Variants in NSUN6 observed in about 807,000 individuals in gnomAD.
NSUN6 encodes the protein NOP2/Sun RNA methyltransferase 6.
NSUN6 carries 64 observed loss-of-function variants against 58.0 expected under a neutral mutation model. The observed-to-expected ratio is 1.10, with a 90% CI of 0.90 to 1.36. The LOEUF (loss-of-function observed/expected upper bound fraction) is 1.36. Ranked by LOEUF, NSUN6 falls within the 40% of genes most tolerant of loss-of-function variation. The pLI, the probability that NSUN6 is intolerant of heterozygous loss-of-function variation, is 0.00. For synonymous variants in NSUN6, 231 were observed against 193.9 expected (o/e 1.19, Z -1.59); for missense variants, 701 against 550.1 (o/e 1.27, Z -2.74).
chr10:18,634,596 T>C (rs1464231808), intron 3 of NSUN6, among the ~76,000 whole-genome samples: 2 of 119,464 alleles, frequency 1.7e-5, no homozygotes, highest in African/African-American at 6.5e-5. Flanking sequence ...CTAAAAAAAA[T>C]ACAAAAAAAA....
At chr10:18,650,985 CAT>C (rs1479236456) in intron 1 of NSUN6, 142 bp downstream of exon 1, 1 of 865,608 alleles carries the variant, frequency 1.2e-6, no homozygotes, top group Non-Finnish European at 1.7e-6. Flanking sequence ...CCTGTAGAAA[CAT>C]ATTGGTATTT....
intron 3 of NSUN6, among the ~76,000 whole-genome samples, chr10:18,616,824 T>G (rs1374661577): frequency 6.6e-6 from 1 of 152,136 alleles, no homozygotes; most frequent in African/African-American, 2.4e-5. Context: ...CACTCAGGGT[T>G]CCAAAGATCA....
At chr10:18,625,659 G>A (rs1380126906) in intron 3 of NSUN6, among the ~76,000 whole-genome samples, 1 of 140,640 alleles carries the variant, frequency 7.1e-6, no homozygotes, top group African/African-American at 2.6e-5. Flanking sequence ...GCTGCAGTGA[G>A]CCGAGATCGC....
intron 7 of NSUN6, among the ~76,000 whole-genome samples, chr10:18,586,637 A>G (rs1025187045): frequency 2.6e-5 from 4 of 152,118 alleles, no homozygotes; most frequent in Non-Finnish European, 4.4e-5. Context: ...CGCTGACTTC[A>G]GGAGTGAAGC....
intron 8 of NSUN6, among the ~76,000 whole-genome samples, chr10:18,568,346 T>C (rs1314722837): frequency 6.6e-6 from 1 of 151,096 alleles, no homozygotes; most frequent in Admixed American, 6.6e-5. Flanking sequence ...TTCTATTTCA[T>C]TCTGCATTCT....
chr10:18,622,741 A>ATTT (rs1226719434), intron 3 of NSUN6, among the ~76,000 whole-genome samples: 5 of 152,330 alleles, frequency 3.3e-5, no homozygotes, highest in Admixed American at 1.3e-4. Context: ...GAGTAGGCTG[A>ATTT]AAGAGAAGAC....
At chr10:18,604,224 G>C (rs1014766753) in intron 6 of NSUN6, among the ~76,000 whole-genome samples, 1 of 152,148 alleles carries the variant, frequency 6.6e-6, no homozygotes. Context: ...ACAAGTGATA[G>C]ATGACAGGTG....
chr10:18,569,974 C>T (rs957758939), intron 8 of NSUN6, among the ~76,000 whole-genome samples: 16 of 150,000 alleles, frequency 1.1e-4, no homozygotes, highest in Admixed American at 1.0e-3. Flanking sequence ...CATTACATTC[C>T]CCATTCCATT....
At chr10:18,653,169 C>T, upstream of NSUN6, 1 of 984,564 alleles carries the variant, frequency 1.0e-6, no homozygotes, top group Non-Finnish European at 1.2e-6. Flanking sequence ...AGTTGAACTA[C>T]ATTTTAAACT....
chr10:18,646,736 C>A (rs1004563898), intron 2 of NSUN6, among the ~76,000 whole-genome samples: 9 of 152,094 alleles, frequency 5.9e-5, no homozygotes, highest in Non-Finnish European at 2.9e-5. Context: ...GAGGTTGAGG[C>A]AGGAGAATCG....
chr10:18,622,014 CATAT>C (rs10572337), intron 3 of NSUN6, among the ~76,000 whole-genome samples: 119,417 of 151,066 alleles, frequency 0.79, 47,286 homozygotes, highest in East Asian at 0.97. Context: ...CCTATTCACA[CATAT>C]ATATATATAT....
Position 18,649,295 on chromosome 10 carries a change from G to A in NSUN6, c.76-650C>T, listed in dbSNP as rs12572691. Among the ~76,000 whole-genome samples, 70 of 152,208 alleles carry A rather than the reference G, an allele frequency of 4.6e-4. No individual in the cohort carries two copies. In the East Asian group the frequency reaches 7.5e-3, roughly 16 times the overall value. On this transcript the variant is annotated intron_variant, in intron 1 of 10. Transcript: ENST00000377304. Reference sequence around the variant, plus strand: ...AATTAACCGAAGCTTTTCAAGAAACGTATTTCTTTGTCTTCCTATTTGACT... The same window carrying A: ...AATTAACCGAAGCTTTTCAAGAAACATATTTCTTTGTCTTCCTATTTGACT...
intron 8 of NSUN6, among the ~76,000 whole-genome samples, chr10:18,564,817 C>A (rs568651360): frequency 1.3e-5 from 2 of 149,692 alleles, no homozygotes; most frequent in Non-Finnish European, 3.0e-5. Context: ...TTCCATTATT[C>A]AATTCATTCT....
chr10:18,622,168 A>C (rs2058631749), intron 3 of NSUN6, among the ~76,000 whole-genome samples: 1 of 152,160 alleles, frequency 6.6e-6, no homozygotes, highest in South Asian at 2.1e-4. Flanking sequence ...TGGTATTTGG[A>C]GAAGTCTTCA....
chr10:18,571,702 CATTCCATTCCATTCTCT>C (rs1179223206), intron 8 of NSUN6, among the ~76,000 whole-genome samples: 1 of 151,138 alleles, frequency 6.6e-6, no homozygotes, highest in Non-Finnish European at 1.5e-5. Context: ...TTCCATTCTC[CATTCCATTCCATTCTCT>C]ATTCCATTCC....
At chr10:18,568,686 C>G (rs984510632) in intron 8 of NSUN6, among the ~76,000 whole-genome samples, 7 of 151,680 alleles carry the variant, frequency 4.6e-5, no homozygotes, top group Middle Eastern at 3.4e-3. Context: ...ATTCTGCATT[C>G]CATTCCCTTC....
Position 18,586,013 on chromosome 10 carries a change from G to A in NSUN6, c.858C>T (p.Ser286=), listed in dbSNP as rs778260288. The A allele has an allele frequency of 1.2e-6, 2 of 1,612,746 alleles. No individual in the cohort carries two copies. Among genetic ancestry groups the A allele is most frequent in the South Asian group, 1.1e-5 (1 of 90,836 alleles). Residue 286 remains serine, a synonymous_variant, in exon 8 of 11, where the codon TCC becomes TCT. Transcript: ENST00000377304. ...KQNALLLGLN[S]IRAFCFDGTK... ...TTCCATCAAAACAAAATGCCCTGAT[G>A]GAATTCAGCCCTAACAATAAGGCAT...
In NSUN6 at chr10:18,609,730, G is replaced by C. The variant is rs921047779; in HGVS notation, c.657+115C>G. ...TTACTGCTTAACCAAAGGTAGATCA[G>C]TGTATGTAAGTAGACCACAGAAAAA... On this transcript the variant is annotated intron_variant, in intron 6 of 10. Transcript: ENST00000377304. 9 of 621,660 alleles carry C rather than the reference G, an allele frequency of 1.4e-5. No individual in the cohort carries two copies. In the East Asian group the frequency reaches 2.5e-4, roughly 17 times the overall value. 38.5% of individuals were successfully genotyped at this position (621,660 alleles called of 1,614,324 possible). A position where few individuals can be genotyped will look rare whatever the true frequency, so the allele number is the denominator to read the frequency against.
intron 8 of NSUN6, among the ~76,000 whole-genome samples, chr10:18,579,803 T>A (rs757035617): frequency 6.6e-6 from 1 of 152,176 alleles, no homozygotes; most frequent in Non-Finnish European, 1.5e-5. Context: ...TTCCACTGAA[T>A]ACACAATTTA....
Sources: gnomAD v4.1 joint callset for allele counts (sites outside exome capture counted in the v4.1 genomes callset) on GRCh38, gnomAD v4.1.1 for gene constraint, MANE v1.5 for transcripts, NCBI Gene and HGNC (gene_info 2026-07-23, HGNC 2026-07-21) for gene names.